The following HIVEP3 variants were observed in gnomAD, a reference collection of about 807,000 sequenced individuals.
HIVEP3 encodes the protein transcription factor HIVEP3.
In HIVEP3, 49 loss-of-function variants were observed where a neutral mutation model predicts 152.8. The ratio of observed to expected loss-of-function variants is 0.32; its 90% confidence interval spans 0.26 to 0.41. The LOEUF is 0.41. Ranked by LOEUF, HIVEP3 falls within the 10% of genes least tolerant of loss-of-function variation. The pLI is 1.00. For synonymous variants in HIVEP3, 1,269 were observed against 1,289.0 expected (o/e 0.98, Z 0.33); for missense variants, 2,790 against 3,103.3 (o/e 0.90, Z 2.40).
intron 1 of HIVEP3, among the ~76,000 whole-genome samples, chr1:41,946,305 G>T (rs1234472718): frequency 2.0e-5 from 3 of 152,190 alleles, no homozygotes; most frequent in Non-Finnish European, 2.9e-5. Context: ...AGGACTGAGG[G>T]TGCCCGGGGC....
chr1:41,686,982 T>C (rs1002215788), intron 2 of HIVEP3, among the ~76,000 whole-genome samples: 1 of 151,992 alleles, frequency 6.6e-6, no homozygotes, highest in African/African-American at 2.4e-5. Context: ...CTGAGTGCTA[T>C]CAAGAAAGGT....
chr1:42,021,204 T>C (rs1176763094), intron 1 of HIVEP3, among the ~76,000 whole-genome samples: 2 of 152,152 alleles, frequency 1.3e-5, no homozygotes, highest in Non-Finnish European at 2.9e-5. Flanking sequence ...TTAGAAGCTA[T>C]TACAATAATC....
intron 1 of HIVEP3, among the ~76,000 whole-genome samples, chr1:41,793,794 T>C (rs978111473): frequency 7.9e-5 from 12 of 152,154 alleles, no homozygotes; most frequent in Non-Finnish European, 1.6e-4. Context: ...GGAAGAAACA[T>C]CAGTGTAGAA....
intron 1 of HIVEP3, among the ~76,000 whole-genome samples, chr1:41,748,210 C>T (rs913361133): frequency 2.0e-5 from 3 of 152,142 alleles, no homozygotes; most frequent in Non-Finnish European, 4.4e-5. Context: ...GGTGCTACAA[C>T]CCTGGAATAC....
In HIVEP3 at chr1:41,592,996, T is replaced by A. The variant is rs189891797; in HGVS notation, c.-521-7678A>T. Among the ~76,000 whole-genome samples, 326 of 152,312 alleles carry A rather than the reference T, an allele frequency of 2.1e-3. 1 individual carries two copies. Among genetic ancestry groups the A allele is most frequent in the South Asian group, 4.8e-3 (23 of 4,822 alleles). On this transcript the variant is annotated intron_variant, in intron 3 of 8. Coordinates refer to ENST00000372583, the MANE Select transcript of HIVEP3 (RefSeq NM_024503.5). The stretch of plus-strand genomic sequence containing the variant: ...ACCTCCACCCCTGTCCCCAGCCATG[T>A]CATCAATCCCCAAATCTGGTTGTTT...
Position 41,510,382 on chromosome 1 carries a change from C to G in HIVEP3, c.*69G>C. 2 of 1,319,118 alleles carry G rather than the reference C, an allele frequency of 1.5e-6. No individual in the cohort carries two copies. The highest frequency in any genetic ancestry group is 9.9e-7 in the Non-Finnish European group (1 of 1,007,546). The allele number at this position is 1,319,118 out of a possible 1,614,324, so 81.7% of individuals were successfully genotyped here. On this transcript the variant is annotated 3_prime_UTR_variant, in exon 9 of 9. Coordinates refer to ENST00000372583, the MANE Select transcript of HIVEP3 (RefSeq NM_024503.5). ...ATGGGGCTGAGGAAGTGGGATGATTCGAGGAAAGTGGCTGGAAACGTCTGT... is the reference window on the plus strand; with the variant it reads ...ATGGGGCTGAGGAAGTGGGATGATTGGAGGAAAGTGGCTGGAAACGTCTGT...
intron 1 of HIVEP3, among the ~76,000 whole-genome samples, chr1:41,757,091 A>AATTATTATTATTATTATTATT (rs147789740): frequency 7.3e-6 from 1 of 136,540 alleles, no homozygotes; most frequent in African/African-American, 2.8e-5. Flanking sequence ...GTCTCTAAAA[A>AATTATTATTATTATTATTATT]ATTATTATTA....
chr1:41,955,956 T>TA (rs1467713615), intron 1 of HIVEP3, among the ~76,000 whole-genome samples: 1 of 152,208 alleles, frequency 6.6e-6, no homozygotes, highest in Non-Finnish European at 1.5e-5. Context: ...AGTCAAAAGA[T>TA]AGAGAGGCGA....
chr1:41,866,442 G>A (rs1329738485), intron 1 of HIVEP3, among the ~76,000 whole-genome samples: 2 of 152,228 alleles, frequency 1.3e-5, no homozygotes, highest in African/African-American at 4.8e-5. Flanking sequence ...TGCCTGTACT[G>A]ACTCCTGGGC....
intron 1 of HIVEP3, among the ~76,000 whole-genome samples, chr1:41,805,203 G>C (rs1271849333): frequency 6.6e-6 from 1 of 152,184 alleles, no homozygotes; most frequent in Non-Finnish European, 1.5e-5. Flanking sequence ...CAAGCTTGGT[G>C]GTGCGTGCCT....
chr1:41,838,338 C>T (rs745569453), intron 1 of HIVEP3, among the ~76,000 whole-genome samples: 6 of 152,140 alleles, frequency 3.9e-5, no homozygotes, highest in Non-Finnish European at 7.4e-5. Flanking sequence ...TATAACCACT[C>T]CCATCCCTCT....
At chr1:41,536,274 AT>A (rs1643398606) in intron 5 of HIVEP3, among the ~76,000 whole-genome samples, 1 of 152,170 alleles carries the variant, frequency 6.6e-6, no homozygotes. Context: ...AGTAGGTAGA[AT>A]AGCATTATTC....
intron 1 of HIVEP3, among the ~76,000 whole-genome samples, chr1:41,711,999 G>A (rs945256641): frequency 6.6e-6 from 1 of 152,186 alleles, no homozygotes; most frequent in Non-Finnish European, 1.5e-5. Context: ...CCAGCAGGTC[G>A]CTAATCCCAG....
chr1:41,591,834 T>C (rs1272093096), intron 3 of HIVEP3, among the ~76,000 whole-genome samples: 2 of 152,106 alleles, frequency 1.3e-5, no homozygotes, highest in South Asian at 4.1e-4. Flanking sequence ...GCATCCCTCT[T>C]ATTGCCATTT....
chr1:41,831,565 T>C (rs12562508), intron 1 of HIVEP3, among the ~76,000 whole-genome samples: 54,879 of 152,138 alleles, frequency 0.36, 10,112 homozygotes, highest in African/African-American at 0.39. Context: ...ATACCAATGC[T>C]AGAAAAACTT....
intron 1 of HIVEP3, among the ~76,000 whole-genome samples, chr1:41,917,196 G>A (rs1351670202): frequency 6.6e-6 from 1 of 152,172 alleles, no homozygotes; most frequent in African/African-American, 2.4e-5. Context: ...GTGGGGAGCT[G>A]TTTGGGCACA....
chr1:41,785,248 C>T (rs1163431271), intron 1 of HIVEP3, among the ~76,000 whole-genome samples: 1 of 152,160 alleles, frequency 6.6e-6, no homozygotes, highest in Non-Finnish European at 1.5e-5. Context: ...CTCCAAGGCC[C>T]TTCTGTATGA....
At chr1:41,804,414 C>T (rs1387390784) in intron 1 of HIVEP3, among the ~76,000 whole-genome samples, 1 of 152,254 alleles carries the variant, frequency 6.6e-6, no homozygotes, top group East Asian at 1.9e-4. Flanking sequence ...ATCCTCAAGA[C>T]AAACCTGCCA....
chr1:42,006,599 G>A (rs1645460956), intron 1 of HIVEP3, among the ~76,000 whole-genome samples: 1 of 149,260 alleles, frequency 6.7e-6, no homozygotes, highest in Non-Finnish European at 1.5e-5. Flanking sequence ...TGAAAAGAGT[G>A]GTGCTGTTTC....
Sources: gnomAD v4.1 joint callset for allele counts (sites outside exome capture counted in the v4.1 genomes callset) on GRCh38, gnomAD v4.1.1 for gene constraint, MANE v1.5 for transcripts, NCBI Gene and HGNC (gene_info 2026-07-23, HGNC 2026-07-21) for gene names.